Variants in IL37 observed in about 807,000 individuals in gnomAD.
The protein encoded by IL37 is interleukin-37.
Under a neutral mutation model 15.4 loss-of-function variants are expected in IL37, and 15 were observed. The observed-to-expected ratio is 0.98, with a 90% CI of 0.65 to 1.50. The LOEUF (loss-of-function observed/expected upper bound fraction) is 1.50, where lower values mean the gene tolerates loss of function less well. IL37 is among the 40% of genes most tolerant of loss of function. The pLI, the probability that IL37 is intolerant of heterozygous loss-of-function variation, is 0.00. For missense variants in IL37, 269 were observed against 261.7 expected, an observed-to-expected ratio of 1.03 and a Z score of -0.19; for synonymous variants, 98 against 97.4, an observed-to-expected ratio of 1.01 and a Z score of -0.03.
chr2:112,911,377 CT>C lies in IL37; in HGVS notation c.-51+130del, dbSNP rs757492917. Among the ~76,000 whole-genome samples the C allele has an allele frequency of 2.2e-4, 33 of 152,340 alleles. No individual in the cohort carries two copies. The East Asian group carries it at 5.8e-3, about 27-fold the overall frequency. On this transcript the variant is annotated intron_variant, in intron 1 of 5. Coordinates refer to ENST00000263326, the MANE Select transcript of IL37 (RefSeq NM_014439.4). ...ACATCTGAATTTCTAAATATGATCT[CT>C]GAGACCTGCCCAGAACACCTTGCTC...
intron 3 of IL37, among the ~76,000 whole-genome samples, chr2:112,914,902 C>T (rs2464912): frequency 6.6e-6 from 1 of 152,138 alleles, no homozygotes. Flanking sequence ...AAACTCAGGG[C>T]GCTGAGGCTC....
rs534674855 is a variant in IL37 at position 112,918,470 on chromosome 2, C to A, written c.409-91C>A. 1.9e-5 allele frequency: 27 copies of A among 1,423,402 alleles called. 1 individual carries two copies. The South Asian group carries it at 3.1e-4, about 16-fold the overall frequency. 88.2% of individuals were successfully genotyped at this position (1,423,402 alleles called of 1,614,324 possible). ...TCTGCCTTCTCTCTTTTCCTCCTCT[C>A]CTGTGTAAAGGCCTGGAGGATGAGC... On this transcript the variant is annotated intron_variant, in intron 5 of 5. Coordinates refer to ENST00000263326, the MANE Select transcript of IL37 (RefSeq NM_014439.4).
intron 5 of IL37, 121 bp from the exon 6 acceptor site, chr2:112,918,440 G>C: frequency 8.8e-7 from 1 of 1,134,396 alleles, no homozygotes; most frequent in Non-Finnish European, 1.2e-6. Context: ...CTTTCCCAAG[G>C]ACCATCTGCC....
In IL37 at chr2:112,917,202, CT is replaced by C. The variant is rs1683333797; in HGVS notation, c.220del (p.Ser74LeufsTer5). ...AGGATCACAAAGTACTGGTCCTGGA[CT>C]CTGGGAATCTCATAGCAGTTCCAGA... ...DQDHKVLVLD[S>X]GNLIAVPDKN... On this transcript the variant is annotated frameshift_variant, in exon 4 of 6. Transcript: ENST00000263326. LOFTEE classifies it high-confidence loss of function. The C allele has an allele frequency of 6.2e-7, 1 of 1,614,020 alleles. No individual in the cohort carries two copies. The highest frequency in any genetic ancestry group is 8.5e-7 in the Non-Finnish European group (1 of 1,179,988).
chr2:112,916,983 G>T, intron 3 of IL37, 146 bp from the exon 4 acceptor site: 1 of 846,028 alleles, frequency 1.2e-6, no homozygotes, highest in Non-Finnish European at 1.8e-6. Context: ...AGAAAGCCTG[G>T]GAGTGGAAGA....
chr2:112,915,169 C>A, intron 3 of IL37: 1 of 1,608,854 alleles, frequency 6.2e-7, no homozygotes, highest in Non-Finnish European at 8.5e-7. Flanking sequence ...GTGAACTAGT[C>A]TGCATGTGAG....
chr2:112,915,312 T>C, intron 3 of IL37: 1 of 1,471,290 alleles, frequency 6.8e-7, no homozygotes, highest in South Asian at 1.2e-5. Flanking sequence ...AAGAGCATTT[T>C]CCAGTCTCAC....
At chr2:112,918,340 T>G (rs975152829) in intron 5 of IL37, among the ~76,000 whole-genome samples, 6 of 151,558 alleles carry the variant, frequency 4.0e-5, no homozygotes, top group Non-Finnish European at 7.4e-5. Flanking sequence ...TCTCTCAGTT[T>G]ATTTTTAATC....
chr2:112,918,317 C>A (rs1005649117), intron 5 of IL37, among the ~76,000 whole-genome samples: 3 of 136,940 alleles, frequency 2.2e-5, no homozygotes, highest in Admixed American at 2.1e-4. Flanking sequence ...TCTTACGTCT[C>A]TCTCTCTCTC....
Position 112,917,246 on chromosome 2 carries a change from C to T in IL37, c.263C>T (p.Pro88Leu). The change falls in exon 4 of 6, where the codon CCA becomes CTA. Residue 88 changes from proline (P) to leucine (L), a missense_variant and splice_region_variant. Coordinates refer to ENST00000263326, the MANE Select transcript of IL37 (RefSeq NM_014439.4). ...GTTCCAGATAAAAACTACATACGCC[C>T]AGGTGACTCTCAGTTTTGGCTGTGT... ...IAVPDKNYIRPEIFFALASSL... is the reference protein window; with the variant it reads ...IAVPDKNYIRLEIFFALASSL... 1 of 1,613,800 alleles carries T rather than the reference C, an allele frequency of 6.2e-7. No individual in the cohort carries two copies.
At chr2:112,916,253 C>CA (rs1302899446) in intron 3 of IL37, among the ~76,000 whole-genome samples, 1 of 152,222 alleles carries the variant, frequency 6.6e-6, no homozygotes, top group African/African-American at 2.4e-5. Context: ...GCCACCCACC[C>CA]ATTCTTGACA....
rs1157024289 is a variant in IL37 at position 112,917,117 on chromosome 2, A to ATATT, written c.146-11_146-8dup. 6.2e-7 allele frequency: 1 copy of ATATT among 1,613,528 alleles called. No homozygotes were observed. The highest frequency in any genetic ancestry group is 8.5e-7 in the Non-Finnish European group (1 of 1,179,700). ...CAATGTGAAGTGTTGATATCTGGTG[A>ATATT]TATTGATCTAGGTCCAAAGGTGAAG... On this transcript the variant is annotated splice_polypyrimidine_tract_variant and intron_variant, in intron 3 of 5. Coordinates refer to ENST00000263326, the MANE Select transcript of IL37 (RefSeq NM_014439.4).
In IL37 at chr2:112,917,024, C is replaced by T. The variant is rs1683326394; in HGVS notation, c.146-105C>T. 4.6e-6 allele frequency: 6 copies of T among 1,301,712 alleles called. No homozygotes were observed. In the South Asian group the frequency reaches 8.3e-5, roughly 18 times the overall value. 80.6% of individuals were successfully genotyped at this position (1,301,712 alleles called of 1,614,324 possible). On this transcript the variant is annotated intron_variant, in intron 3 of 5. Coordinates refer to ENST00000263326, the MANE Select transcript of IL37 (RefSeq NM_014439.4). ...TCAGTGGCTGTGATGTCTGAGCCCACAGGCAGGGTGGAGAGCTAGGGCTGG... is the reference window on the plus strand; with the variant it reads ...TCAGTGGCTGTGATGTCTGAGCCCATAGGCAGGGTGGAGAGCTAGGGCTGG...
intron 3 of IL37, among the ~76,000 whole-genome samples, chr2:112,915,684 C>G (rs1198171711): frequency 1.3e-5 from 2 of 152,230 alleles, no homozygotes; most frequent in Non-Finnish European, 2.9e-5. Context: ...TGAGGAGATT[C>G]TGATGTAAGG....
chr2:112,915,205 G>T lies in IL37; in HGVS notation c.145+1351G>T. ...ACGCTGAGATCCTATGTCAGGCTGT[G>T]ATAGGAGGGAAACAGAAACCAAAGG... On this transcript the variant is annotated intron_variant, in intron 3 of 5. Transcript: ENST00000263326. The T allele has an allele frequency of 1.2e-6, 2 of 1,613,968 alleles. 1 individual carries two copies. The highest frequency in any genetic ancestry group is 2.2e-5 in the South Asian group (2 of 91,076).
At chr2:112,918,490 A>G in intron 5 of IL37, 71 bp from the exon 6 acceptor site, 1 of 1,513,080 alleles carries the variant, frequency 6.6e-7, no homozygotes, top group Non-Finnish European at 8.9e-7. Context: ...GGCCTGGAGG[A>G]TGAGCACATG....
chr2:112,917,840 C>T (rs538974324), intron 5 of IL37, 63 bp downstream of exon 5: 278 of 1,538,722 alleles, frequency 1.8e-4, no homozygotes, highest in Non-Finnish European at 2.4e-4. Context: ...CCAAGATCCT[C>T]AATGCCTCTC....
At chr2:112,911,759 G>A (rs972221231) in intron 1 of IL37, among the ~76,000 whole-genome samples, 1 of 152,176 alleles carries the variant, frequency 6.6e-6, no homozygotes, top group Non-Finnish European at 1.5e-5. Flanking sequence ...CAGCACCACA[G>A]TATCTTTATA....
intron 1 of IL37, among the ~76,000 whole-genome samples, 164 bp from the exon 2 acceptor site, chr2:112,912,799 G>A (rs114819461): frequency 7.9e-5 from 12 of 152,332 alleles, no homozygotes; most frequent in Admixed American, 2.0e-4. Context: ...CTTTGAAGGC[G>A]TGATAGACAG....
Sources: gnomAD v4.1 joint callset for allele counts (sites outside exome capture counted in the v4.1 genomes callset) on GRCh38, gnomAD v4.1.1 for gene constraint, MANE v1.5 for transcripts, NCBI Gene and HGNC (gene_info 2026-07-23, HGNC 2026-07-21) for gene names.